The following TINAG variants were observed in gnomAD, a reference collection of about 807,000 sequenced individuals.
TINAG encodes tubulointerstitial nephritis antigen.
In TINAG, 83 loss-of-function variants were observed where a neutral mutation model predicts 72.7. That is an observed-to-expected ratio of 1.14 (90% confidence interval 0.96 to 1.37). TINAG has a LOEUF of 1.37. Ranked by LOEUF, TINAG falls within the 40% of genes most tolerant of loss-of-function variation. TINAG has a pLI of 0.00. For missense variants in TINAG, 685 were observed against 576.6 expected, an observed-to-expected ratio of 1.19 and a Z score of -1.93; for synonymous variants, 234 against 189.9, an observed-to-expected ratio of 1.23 and a Z score of -1.91.
intron 4 of TINAG, among the ~76,000 whole-genome samples, chr6:54,336,114 A>G (rs1457353313): frequency 6.6e-6 from 1 of 151,836 alleles, no homozygotes; most frequent in African/African-American, 2.4e-5. Context: ...TGGCTCCTTC[A>G]CTTATTACCT....
intron 1 of TINAG, among the ~76,000 whole-genome samples, chr6:54,309,138 A>G (rs1784181286): frequency 6.6e-6 from 1 of 152,162 alleles, no homozygotes; most frequent in Non-Finnish European, 1.5e-5. Context: ...CTGCGTGCTG[A>G]TCGGAATCCT....
At chr6:54,346,987 A>G (rs910133351) in intron 5 of TINAG, among the ~76,000 whole-genome samples, 1 of 152,106 alleles carries the variant, frequency 6.6e-6, no homozygotes, top group African/African-American at 2.4e-5. Context: ...TTTTCCCATG[A>G]CTATATGCAA....
chr6:54,360,384 A>G (rs189780332), intron 9 of TINAG, among the ~76,000 whole-genome samples: 3 of 151,838 alleles, frequency 2.0e-5, no homozygotes, highest in Admixed American at 2.0e-4. Context: ...TTCTGATTAA[A>G]CTAAGAAACT....
intron 10 of TINAG, among the ~76,000 whole-genome samples, chr6:54,383,359 T>C (rs1764006651): frequency 6.6e-6 from 1 of 152,164 alleles, no homozygotes; most frequent in Non-Finnish European, 1.5e-5. Context: ...AGTCCTATGA[T>C]ATAAACCTAT....
At position 54,326,787 on chromosome 6, in the gene TINAG, TCA is replaced by T. The variant is rs1784611801; in HGVS notation, c.510-14_510-13del. ...GTATATATTTTTCTATATTTTTCTC[TCA>T]TTTGTAAGGCAGATGGACAGCACAG... is the stretch of plus-strand genomic sequence containing the variant. On this transcript the variant is annotated splice_polypyrimidine_tract_variant and intron_variant, in intron 3 of 10. Transcript: ENST00000259782. 1.3e-6 allele frequency: 2 copies of T among 1,561,966 alleles called. No individual in the cohort carries two copies. The highest frequency in any genetic ancestry group is 8.7e-7 in the Non-Finnish European group (1 of 1,155,750).
chr6:54,364,999 C>G (rs1251210071), intron 9 of TINAG, among the ~76,000 whole-genome samples: 1 of 151,416 alleles, frequency 6.6e-6, no homozygotes, highest in Non-Finnish European at 1.5e-5. Flanking sequence ...CTCCATTTAT[C>G]TTTTCTTTTT....
chr6:54,375,883 C>A lies in TINAG; in HGVS notation c.1251-4643C>A, dbSNP rs151250852. Among the ~76,000 whole-genome samples the A allele has an allele frequency of 3.0e-4, 45 of 152,258 alleles. No homozygotes were observed. The East Asian group carries it at 7.9e-3, about 27-fold the overall frequency. On this transcript the variant is annotated intron_variant, in intron 9 of 10. Transcript: ENST00000259782. Reference sequence around the variant, plus strand: ...TGTCTTTCTAAAAGATAATCCGGATCATGTCACATTCCATATTCAAATGGC... The same window carrying A: ...TGTCTTTCTAAAAGATAATCCGGATAATGTCACATTCCATATTCAAATGGC...
At position 54,389,852 on chromosome 6, in the gene TINAG, G is replaced by A. The variant is rs770793048; in HGVS notation, c.1358G>A (p.Gly453Glu). Residue 453 changes from glycine (G) to glutamate (E), a missense_variant, in exon 11 of 11, where the codon GGA becomes GAA. Transcript: ENST00000259782. ...GENGYFRILRGVNESDIEKLI... is the reference protein window; with the variant it reads ...GENGYFRILREVNESDIEKLI... ...AATGGCTATTTCAGGATTCTTCGAG[G>A]AGTAAATGAGTCCGACATTGAAAAG... 31 of 1,610,060 alleles carry A rather than the reference G, an allele frequency of 1.9e-5. No homozygotes were observed. The highest frequency in any genetic ancestry group is 3.4e-5 in the Admixed American group (2 of 59,304).
rs1454711061 is a variant in TINAG, at chr6:54,389,789, A to T, written c.1297-2A>T. The T allele has an allele frequency of 6.4e-7, 1 of 1,574,188 alleles. No homozygotes were observed. Among genetic ancestry groups the T allele is most frequent in the South Asian group, 1.2e-5 (1 of 83,750 alleles). On this transcript the variant is annotated splice_acceptor_variant, in intron 10 of 10. Coordinates refer to ENST00000259782, the MANE Select transcript of TINAG (RefSeq NM_014464.4). LOFTEE classifies it high-confidence loss of function. ...CTTTTTTGTTTGTTTGTTTTTCTGCAGATTGCTGCCAATTCCTGGGGAAAG... is the reference window on the plus strand; with the variant it reads ...CTTTTTTGTTTGTTTGTTTTTCTGCTGATTGCTGCCAATTCCTGGGGAAAG...
intron 5 of TINAG, among the ~76,000 whole-genome samples, chr6:54,345,183 AAG>A (rs1785091765): frequency 6.6e-6 from 1 of 152,116 alleles, no homozygotes; most frequent in South Asian, 2.1e-4. Flanking sequence ...AGTTTTTAAG[AAG>A]AGAGTGGAAA....
intron 3 of TINAG, among the ~76,000 whole-genome samples, chr6:54,326,128 T>C (rs1214919682): frequency 6.6e-6 from 1 of 152,018 alleles, no homozygotes. Flanking sequence ...CAAATTTCAA[T>C]ATTAAATTTT....
chr6:54,335,788 G>A (rs1369671737), intron 4 of TINAG, among the ~76,000 whole-genome samples: 1 of 152,052 alleles, frequency 6.6e-6, no homozygotes, highest in African/African-American at 2.4e-5. Context: ...TCCCCTCACC[G>A]CCCTGCAAAC....
chr6:54,354,499 G>A lies in TINAG; in HGVS notation c.1127-14G>A. 6.3e-7 allele frequency: 1 copy of A among 1,591,468 alleles called. No homozygotes were observed. On this transcript the variant is annotated splice_polypyrimidine_tract_variant and intron_variant, in intron 8 of 10. Transcript: ENST00000259782. Reference sequence around the variant, plus strand: ...TTAATACTGTGCCATTTGTTCTGTTGGATTTTATTTTAGCCATAATGCAAG... The same window carrying A: ...TTAATACTGTGCCATTTGTTCTGTTAGATTTTATTTTAGCCATAATGCAAG...
intron 4 of TINAG, among the ~76,000 whole-genome samples, chr6:54,334,073 G>T (rs968601442): frequency 1.3e-5 from 2 of 152,124 alleles, no homozygotes; most frequent in African/African-American, 4.8e-5. Flanking sequence ...CTTGCACAAA[G>T]AAGTTTCTAC....
chr6:54,347,311 C>T, intron 5 of TINAG, 56 bp from the exon 6 acceptor site: 3 of 1,579,288 alleles, frequency 1.9e-6, no homozygotes, highest in Middle Eastern at 1.7e-4. Context: ...GGTTATGTAC[C>T]TTATTAGAAA....
At chr6:54,347,294 C>T (rs1785145018) in intron 5 of TINAG, 73 bp from the exon 6 acceptor site, 1 of 1,498,498 alleles carries the variant, frequency 6.7e-7, no homozygotes, top group Non-Finnish European at 9.0e-7. Context: ...AGGGTTCAAA[C>T]AAAAAGGGTT....
intron 9 of TINAG, among the ~76,000 whole-genome samples, chr6:54,359,853 T>C (rs1305938168): frequency 1.3e-5 from 2 of 151,828 alleles, no homozygotes; most frequent in African/African-American, 2.4e-5. Context: ...AATGAATGCA[T>C]TAATGAATTA....
chr6:54,385,201 A>C (rs1320156508), intron 10 of TINAG, among the ~76,000 whole-genome samples: 1 of 152,122 alleles, frequency 6.6e-6, no homozygotes, highest in Non-Finnish European at 1.5e-5. Context: ...ATTATAATAG[A>C]TGAAAATCAA....
At chr6:54,340,208 C>A (rs1784964113) in intron 4 of TINAG, among the ~76,000 whole-genome samples, 1 of 151,952 alleles carries the variant, frequency 6.6e-6, no homozygotes, top group South Asian at 2.1e-4. Flanking sequence ...TTGGCTAATA[C>A]TGATTTGGAA....
Sources: gnomAD v4.1 joint callset for allele counts (sites outside exome capture counted in the v4.1 genomes callset) on GRCh38, gnomAD v4.1.1 for gene constraint, MANE v1.5 for transcripts, NCBI Gene and HGNC (gene_info 2026-07-23, HGNC 2026-07-21) for gene names.